Variants in SLC25A26 observed in about 807,000 individuals in gnomAD.
SLC25A26 encodes mitochondrial S-adenosylmethionine carrier protein.
SLC25A26 carries 36 observed loss-of-function variants against 37.8 expected under a neutral mutation model. The observed-to-expected ratio is 0.95, with a 90% CI of 0.73 to 1.26. The LOEUF is 1.26. Among genes scored for constraint, SLC25A26 ranks in the 50% most tolerant of loss-of-function variants. The probability of loss-of-function intolerance (pLI) is 0.00; values close to 1 mark genes in which losing one functional copy is unlikely to be tolerated. For missense variants in SLC25A26, 390 were observed against 331.1 expected (o/e 1.18, Z -1.38); for synonymous variants, 129 against 122.5 (o/e 1.05, Z -0.35).
At chr3:66,141,908 C>A (rs2070041745) in intron 1 of SLC25A26, among the ~76,000 whole-genome samples, 1 of 152,198 alleles carries the variant, frequency 6.6e-6, no homozygotes. Context: ...TTAGTCATGG[C>A]AGAGAGTTCT....
intron 7 of SLC25A26, among the ~76,000 whole-genome samples, chr3:66,364,268 G>A (rs2076777184): frequency 6.6e-6 from 1 of 151,698 alleles, no homozygotes; most frequent in African/African-American, 2.4e-5. Flanking sequence ...ATAATACTCT[G>A]TAATAGACAC....
chr3:66,373,895 C>T (rs753251337), intron 9 of SLC25A26, among the ~76,000 whole-genome samples: 28 of 152,214 alleles, frequency 1.8e-4, no homozygotes, highest in Non-Finnish European at 2.9e-4. Flanking sequence ...TCAGCCTCCC[C>T]CAACAGCTCA....
intron 5 of SLC25A26, among the ~76,000 whole-genome samples, chr3:66,318,746 C>T (rs2075611519): frequency 1.3e-5 from 2 of 151,972 alleles, no homozygotes; most frequent in African/African-American, 2.4e-5. Flanking sequence ...ACTACAGCCT[C>T]GAAATCCTGG....
chr3:66,322,809 T>G (rs1483983456), intron 5 of SLC25A26, among the ~76,000 whole-genome samples: 1 of 152,220 alleles, frequency 6.6e-6, no homozygotes, highest in Non-Finnish European at 1.5e-5. Context: ...TCAATTATTT[T>G]GAGTGCCTGA....
chr3:66,344,789 A>C (rs17044325), intron 5 of SLC25A26, among the ~76,000 whole-genome samples: 5 of 152,320 alleles, frequency 3.3e-5, no homozygotes, highest in African/African-American at 9.6e-5. Context: ...TTTGAATTTC[A>C]GAAAATTAAT....
At chr3:66,237,412 T>C (rs938037243) in intron 2 of SLC25A26, among the ~76,000 whole-genome samples, 1 of 152,058 alleles carries the variant, frequency 6.6e-6, no homozygotes, top group Non-Finnish European at 1.5e-5. Context: ...GTATTAGGAG[T>C]TTTAATAACT....
rs369730198 is a variant in SLC25A26 at position 66,253,286 on chromosome 3, C to T, written c.301-8765C>T. Among the ~76,000 whole-genome samples, 65 of 151,648 alleles carry T rather than the reference C, an allele frequency of 4.3e-4. 1 individual carries two copies. The South Asian group carries it at 0.013, about 30-fold the overall frequency. On this transcript the variant is annotated intron_variant, in intron 3 of 9. Coordinates refer to ENST00000354883, the MANE Select transcript of SLC25A26 (RefSeq NM_001379210.1). ...GTTAGTCGGGCATGGTGGTGGACGC[C>T]TGTAGTCCCAGCTACTCGGGAGGCT...
At chr3:66,216,410 G>A (rs1463612982), upstream of SLC25A26, among the ~76,000 whole-genome samples, 3 of 152,256 alleles carry the variant, frequency 2.0e-5, no homozygotes, top group East Asian at 5.8e-4. Context: ...TACTTGAGGA[G>A]CTGAGGCAGG....
chr3:66,248,711 G>A (rs1180367712), intron 3 of SLC25A26, among the ~76,000 whole-genome samples: 1 of 152,072 alleles, frequency 6.6e-6, no homozygotes, highest in Non-Finnish European at 1.5e-5. Context: ...GTCCTTTATG[G>A]TCCTGTTCTG....
chr3:66,318,218 C>G (rs1203576730), intron 5 of SLC25A26, among the ~76,000 whole-genome samples: 1 of 152,166 alleles, frequency 6.6e-6, no homozygotes, highest in Non-Finnish European at 1.5e-5. Context: ...ACTCCTATGT[C>G]TCAGTGTCTG....
chr3:66,175,138 T>TAC (rs1448126196), intron 1 of SLC25A26, among the ~76,000 whole-genome samples: 8 of 64,274 alleles, frequency 1.2e-4, no homozygotes, highest in East Asian at 3.4e-4. Context: ...TATATATATA[T>TAC]ATACACACAC....
chr3:66,296,923 A>T (rs2074921242), intron 5 of SLC25A26, among the ~76,000 whole-genome samples: 2 of 152,246 alleles, frequency 1.3e-5, no homozygotes, highest in South Asian at 4.1e-4. Context: ...TGACTGGCGT[A>T]GGCCCTGCTC....
chr3:66,337,400 TTG>T (rs1295769893), intron 5 of SLC25A26, among the ~76,000 whole-genome samples: 1 of 152,034 alleles, frequency 6.6e-6, no homozygotes, highest in Non-Finnish European at 1.5e-5. Flanking sequence ...TAAACAAAAG[TTG>T]TGTTTTATGA....
At chr3:66,342,054 G>A (rs2076221545) in intron 5 of SLC25A26, among the ~76,000 whole-genome samples, 1 of 151,998 alleles carries the variant, frequency 6.6e-6, no homozygotes, top group Admixed American at 6.6e-5. Context: ...TGTTGTCGGT[G>A]GGACAGTAGA....
At chr3:66,291,998 A>C (rs2074726552) in intron 5 of SLC25A26, among the ~76,000 whole-genome samples, 1 of 150,992 alleles carries the variant, frequency 6.6e-6, no homozygotes, top group African/African-American at 2.5e-5. Flanking sequence ...TTGGGTGCAT[A>C]TGTATTTAGG....
At chr3:66,371,543 C>A in intron 9 of SLC25A26, 1 of 1,202,346 alleles carries the variant, frequency 8.3e-7, no homozygotes, top group Non-Finnish European at 1.1e-6. Context: ...GAGGGATTGA[C>A]GTTGGGGGTG....
chr3:66,179,190 T>C (rs1260840459), intron 1 of SLC25A26, among the ~76,000 whole-genome samples: 1 of 152,246 alleles, frequency 6.6e-6, no homozygotes, highest in East Asian at 1.9e-4. Context: ...CAGCTTTAAA[T>C]GTTTTTAAAT....
chr3:66,199,133 C>A, intron 1 of SLC25A26, among the ~76,000 whole-genome samples: 1 of 152,042 alleles, frequency 6.6e-6, no homozygotes, highest in Admixed American at 6.5e-5. Context: ...CATCCCCCAA[C>A]CCTTGTACCT....
At chr3:66,350,458 G>C (rs572731708) in intron 6 of SLC25A26, among the ~76,000 whole-genome samples, 1 of 152,094 alleles carries the variant, frequency 6.6e-6, no homozygotes, top group Non-Finnish European at 1.5e-5. Context: ...TTGGGAATTT[G>C]TGGCCACATT....
Sources: gnomAD v4.1 joint callset for allele counts (sites outside exome capture counted in the v4.1 genomes callset) on GRCh38, gnomAD v4.1.1 for gene constraint, MANE v1.5 for transcripts, NCBI Gene and HGNC (gene_info 2026-07-23, HGNC 2026-07-21) for gene names.